Variants in PXDNL observed in about 807,000 individuals in gnomAD.
The protein encoded by PXDNL is probable oxidoreductase PXDNL.
PXDNL carries 145 observed loss-of-function variants against 150.8 expected under a neutral mutation model. That is an observed-to-expected ratio of 0.96 (90% CI 0.84 to 1.10). The LOEUF (loss-of-function observed/expected upper bound fraction) is 1.10, where lower values mean the gene tolerates loss of function less well. Ranked by LOEUF, PXDNL falls within the 50% of genes least tolerant of loss-of-function variation. The probability of loss-of-function intolerance (pLI) is 0.00; values close to 1 mark genes in which losing one functional copy is unlikely to be tolerated. For missense variants in PXDNL, 2,087 were observed against 1,873.9 expected (o/e 1.11, Z -2.10); for synonymous variants, 757 against 725.7 (o/e 1.04, Z -0.69).
intron 2 of PXDNL, among the ~76,000 whole-genome samples, chr8:51,623,662 G>A (rs557562737): frequency 2.0e-5 from 3 of 152,314 alleles, no homozygotes; most frequent in South Asian, 2.1e-4. Flanking sequence ...ATGTGCTCTC[G>A]GCAGGACCGA....
At chr8:51,516,686 A>G (rs1190665362) in intron 4 of PXDNL, among the ~76,000 whole-genome samples, 1 of 152,232 alleles carries the variant, frequency 6.6e-6, no homozygotes, top group African/African-American at 2.4e-5. Context: ...ACTTGCCTCA[A>G]GTCACACAGT....
intron 2 of PXDNL, among the ~76,000 whole-genome samples, chr8:51,628,301 C>A (rs535161532): frequency 8.6e-5 from 13 of 151,760 alleles, no homozygotes; most frequent in African/African-American, 2.7e-4. Context: ...ACAAGTCAAT[C>A]TACAAGCTTT....
chr8:51,614,114 A>G (rs1171907717), intron 2 of PXDNL, among the ~76,000 whole-genome samples: 1 of 152,256 alleles, frequency 6.6e-6, no homozygotes, highest in Non-Finnish European at 1.5e-5. Flanking sequence ...GAAATGATAT[A>G]TGAAAAATAA....
chr8:51,352,858 A>C (rs1174071371), intron 19 of PXDNL, among the ~76,000 whole-genome samples: 1 of 152,206 alleles, frequency 6.6e-6, no homozygotes, highest in Admixed American at 6.5e-5. Context: ...GAAACATAAA[A>C]GCAAATAGCA....
At chr8:51,794,363 T>A (rs1002809695) in intron 1 of PXDNL, among the ~76,000 whole-genome samples, 1 of 152,048 alleles carries the variant, frequency 6.6e-6, no homozygotes, top group Non-Finnish European at 1.5e-5. Flanking sequence ...CACACAGTCA[T>A]CAGATTCTCC....
intron 2 of PXDNL, among the ~76,000 whole-genome samples, chr8:51,630,628 C>A (rs1159018837): frequency 6.6e-6 from 1 of 151,918 alleles, no homozygotes; most frequent in East Asian, 1.9e-4. Context: ...AGGCAAGGGA[C>A]ATAAACACTT....
intron 9 of PXDNL, among the ~76,000 whole-genome samples, chr8:51,455,652 G>T (rs1180099669): frequency 6.6e-6 from 1 of 152,144 alleles, no homozygotes; most frequent in Non-Finnish European, 1.5e-5. Context: ...GGATCAAGAG[G>T]AAGTCGTGTT....
intron 1 of PXDNL, among the ~76,000 whole-genome samples, chr8:51,733,202 T>C (rs943199748): frequency 6.6e-6 from 1 of 152,208 alleles, no homozygotes; most frequent in Non-Finnish European, 1.5e-5. Context: ...GAAAACCCTG[T>C]AGTGACCTTA....
At chr8:51,434,696 C>T (rs1809347847) in intron 12 of PXDNL, among the ~76,000 whole-genome samples, 1 of 152,148 alleles carries the variant, frequency 6.6e-6, no homozygotes, top group South Asian at 2.1e-4. Flanking sequence ...TTCTAGTATG[C>T]TCTACTGAAG....
chr8:51,762,858 C>T (rs1034381649), intron 1 of PXDNL, among the ~76,000 whole-genome samples: 2 of 152,022 alleles, frequency 1.3e-5, no homozygotes, highest in Non-Finnish European at 2.9e-5. Flanking sequence ...TCACCAGAAG[C>T]TATATAGATA....
intron 1 of PXDNL, among the ~76,000 whole-genome samples, chr8:51,730,122 C>G (rs1816890395): frequency 6.6e-6 from 1 of 152,188 alleles, no homozygotes; most frequent in South Asian, 2.1e-4. Context: ...TAACTATGAA[C>G]TTTAAGTAAT....
intron 10 of PXDNL, among the ~76,000 whole-genome samples, chr8:51,451,706 G>A (rs1586117811): frequency 2.6e-5 from 4 of 152,224 alleles, no homozygotes; most frequent in Admixed American, 2.0e-4. Context: ...AAGTTTATCT[G>A]TGGATAACTG....
chr8:51,374,717 G>A lies in PXDNL; in HGVS notation c.3572C>T (p.Pro1191Leu). 3.1e-6 allele frequency: 5 copies of A among 1,613,796 alleles called. No individual in the cohort carries two copies. The highest frequency in any genetic ancestry group is 4.2e-6 in the Non-Finnish European group (5 of 1,179,818). Residue 1191 changes from proline to leucine, a missense_variant, in exon 18 of 23, where the codon CCA becomes CTA. Physicochemically the swap from Pro to Leu is moderately conservative, Grantham distance 98. Transcript: ENST00000356297. ...GGCGGGCCAGAGGTCAATGTCACCTGGAGAGCCGTACAACCTGGAACAGAG... is the reference window on the plus strand; with the variant it reads ...GGCGGGCCAGAGGTCAATGTCACCTAGAGAGCCGTACAACCTGGAACAGAG... ...RQKLRKLYGSPGDIDLWPALM... is the reference protein window; with the variant it reads ...RQKLRKLYGSLGDIDLWPALM...
intron 1 of PXDNL, among the ~76,000 whole-genome samples, chr8:51,731,223 G>A (rs1180131414): frequency 1.3e-5 from 2 of 152,214 alleles, no homozygotes; most frequent in Non-Finnish European, 2.9e-5. Context: ...TGGGGGTACA[G>A]GCATTGAATA....
chr8:51,367,134 T>C (rs13439772), intron 19 of PXDNL, among the ~76,000 whole-genome samples: 1,324 of 129,268 alleles, frequency 0.01, 28 homozygotes, highest in African/African-American at 0.038. Context: ...AAAAAATTCA[T>C]ATAAAAGGAA....
At chr8:51,415,729 C>T (rs560394405) in intron 14 of PXDNL, among the ~76,000 whole-genome samples, 3 of 151,830 alleles carry the variant, frequency 2.0e-5, no homozygotes, top group East Asian at 1.9e-4. Context: ...GGTAAAAATT[C>T]GAAAACTAGA....
At chr8:51,498,739 C>T (rs1311965067) in intron 5 of PXDNL, among the ~76,000 whole-genome samples, 3 of 152,182 alleles carry the variant, frequency 2.0e-5, no homozygotes, top group Non-Finnish European at 4.4e-5. Context: ...TTCCAATGGC[C>T]TCTCTCCTAC....
rs916015331 is a variant in PXDNL at position 51,497,936 on chromosome 8, T to C, written c.452+1763A>G. On this transcript the variant is annotated intron_variant, in intron 5 of 22. Transcript: ENST00000356297. ...CCCAGCCATCCCATTACTGGGTATA[T>C]ACCCAAAGGATTATAAATCATGCTG... 4.8e-3 allele frequency among the ~76,000 whole-genome samples: 725 copies of C among 152,290 alleles called. 7 individuals carry two copies. The highest frequency in any genetic ancestry group is 0.016 in the African/African-American group (685 of 41,556).
chr8:51,799,462 A>G (rs1265794055), intron 1 of PXDNL, among the ~76,000 whole-genome samples: 2 of 152,236 alleles, frequency 1.3e-5, no homozygotes, highest in Non-Finnish European at 2.9e-5. Context: ...AATAATTATT[A>G]CTATAACCAA....
Sources: gnomAD v4.1 joint callset for allele counts (sites outside exome capture counted in the v4.1 genomes callset) on GRCh38, gnomAD v4.1.1 for gene constraint, MANE v1.5 for transcripts, NCBI Gene and HGNC (gene_info 2026-07-23, HGNC 2026-07-21) for gene names.